LUZP2: variants seen among roughly 807,000 people sequenced by gnomAD.
The protein encoded by LUZP2 is leucine zipper protein 2.
Under a neutral mutation model 51.6 loss-of-function variants are expected in LUZP2, and 52 were observed. The observed-to-expected ratio is 1.01, with a 90% CI of 0.81 to 1.27. LUZP2 has a LOEUF of 1.27. Ranked by LOEUF, LUZP2 falls within the 50% of genes most tolerant of loss-of-function variation. The pLI is 0.00. For synonymous variants in LUZP2, 154 were observed against 137.3 expected (o/e 1.12, Z -0.85); for missense variants, 436 against 395.4 (o/e 1.10, Z -0.87).
rs376325878 is a variant in LUZP2, at chr11:24,931,186, G to T, written c.522+16648G>T. On this transcript the variant is annotated intron_variant, in intron 7 of 11. Transcript: ENST00000336930. ...AGATCACGCCACTGCACTCCAGTCT[G>T]ATGACAGAGTGAGACTCTGTCTCAA... Among the ~76,000 whole-genome samples the T allele has an allele frequency of 4.6e-3, 690 of 150,908 alleles. 4 individuals carry two copies. The highest frequency in any genetic ancestry group is 0.016 in the African/African-American group (663 of 40,950).
chr11:24,708,051 G>A (rs1427525969), intron 1 of LUZP2, among the ~76,000 whole-genome samples: 2 of 152,122 alleles, frequency 1.3e-5, no homozygotes, highest in Non-Finnish European at 2.9e-5. Context: ...TCAGGGCAGA[G>A]CAGGTAGCAG....
intron 4 of LUZP2, among the ~76,000 whole-genome samples, chr11:24,740,657 A>G (rs1245752564): frequency 6.6e-6 from 1 of 152,154 alleles, no homozygotes; most frequent in African/African-American, 2.4e-5. Flanking sequence ...GGGGTTATTC[A>G]CATTAAATTA....
chr11:24,717,361 G>A (rs1000949488), intron 1 of LUZP2, among the ~76,000 whole-genome samples: 1 of 151,588 alleles, frequency 6.6e-6, no homozygotes, highest in Admixed American at 6.6e-5. Context: ...CATGCCATGG[G>A]GGTTTGTTGT....
chr11:24,851,895 C>G (rs1285716919), intron 5 of LUZP2, among the ~76,000 whole-genome samples: 1 of 151,950 alleles, frequency 6.6e-6, no homozygotes, highest in Non-Finnish European at 1.5e-5. Context: ...GATTTTCTAG[C>G]TTATTTGCAT....
chr11:24,812,501 T>C lies in LUZP2; in HGVS notation c.396+49193T>C, dbSNP rs146262392. 2.7e-3 allele frequency among the ~76,000 whole-genome samples: 413 copies of C among 152,336 alleles called. 2 individuals carry two copies. Among genetic ancestry groups the C allele is most frequent in the African/African-American group, 9.5e-3 (396 of 41,574 alleles). ...AAGAACTGATTCTAGACTGAGCTTT[T>C]ATTTCCAGATTCCAGAAGAGCCACT... On this transcript the variant is annotated intron_variant, in intron 5 of 11. Transcript: ENST00000336930.
intron 1 of LUZP2, among the ~76,000 whole-genome samples, chr11:24,671,360 C>A (rs1040361326): frequency 3.9e-5 from 6 of 152,018 alleles, no homozygotes; most frequent in East Asian, 1.9e-4. Context: ...ATTGTCATAG[C>A]TGCCATTTTA....
At chr11:25,010,584 C>T (rs908138506) in intron 9 of LUZP2, among the ~76,000 whole-genome samples, 1 of 148,510 alleles carries the variant, frequency 6.7e-6, no homozygotes, top group African/African-American at 2.5e-5. Flanking sequence ...TGGTGGCTCA[C>T]ACGTGTAATC....
intron 9 of LUZP2, among the ~76,000 whole-genome samples, chr11:25,043,342 C>CTT (rs551710660): frequency 3.5e-3 from 540 of 152,126 alleles, no homozygotes; most frequent in African/African-American, 0.013. Flanking sequence ...AGTGGTCAAT[C>CTT]TTTTTTTAAT....
At chr11:24,574,001 G>A (rs1424316158) in intron 1 of LUZP2, among the ~76,000 whole-genome samples, 2 of 151,546 alleles carry the variant, frequency 1.3e-5, no homozygotes, top group Non-Finnish European at 2.9e-5. Context: ...TTAGCATTAG[G>A]TATATCTCCT....
rs569550298 is a variant in LUZP2 at position 24,982,163 on chromosome 11, G to A, written c.598-963G>A. ...GGGAAGACTTATGTAGTTAGTGGGAGTGTAAATTAGTTCAGCCATTGTGGA... is the reference window on the plus strand; with the variant it reads ...GGGAAGACTTATGTAGTTAGTGGGAATGTAAATTAGTTCAGCCATTGTGGA... On this transcript the variant is annotated intron_variant, in intron 8 of 11. Transcript: ENST00000336930. Among the ~76,000 whole-genome samples, 4 of 152,042 alleles carry A rather than the reference G, an allele frequency of 2.6e-5. No homozygotes were observed. The East Asian group carries it at 7.8e-4, about 30-fold the overall frequency.
chr11:25,060,459 G>A (rs1565295535), intron 10 of LUZP2, among the ~76,000 whole-genome samples: 3 of 152,274 alleles, frequency 2.0e-5, no homozygotes, highest in South Asian at 2.1e-4. Flanking sequence ...TACCTTGTGA[G>A]TTAGGATTTC....
chr11:24,655,016 G>A (rs540170014), intron 1 of LUZP2, among the ~76,000 whole-genome samples: 4 of 152,160 alleles, frequency 2.6e-5, no homozygotes, highest in South Asian at 2.1e-4. Flanking sequence ...AATCTAGGCC[G>A]TACATAATCT....
intron 9 of LUZP2, among the ~76,000 whole-genome samples, chr11:24,983,862 G>A (rs969096065): frequency 6.8e-6 from 1 of 147,174 alleles, no homozygotes; most frequent in South Asian, 2.1e-4. Flanking sequence ...ATTTTTCAAA[G>A]TCCCAGGGGA....
rs775183034 is a variant in LUZP2, at chr11:24,639,567, G to A, written c.63-89602G>A. Among the ~76,000 whole-genome samples the A allele has an allele frequency of 3.3e-5, 5 of 151,440 alleles. No homozygotes were observed. The South Asian group carries it at 6.2e-4, about 19-fold the overall frequency. ...CCTGGGTTCAAGCAATTCTCCTGCC[G>A]CAGCCTCCTGAGTAGATGGAATTAC... On this transcript the variant is annotated intron_variant, in intron 1 of 11. Transcript: ENST00000336930.
chr11:24,729,889 G>A (rs1858650842), intron 2 of LUZP2, among the ~76,000 whole-genome samples: 2 of 151,778 alleles, frequency 1.3e-5, no homozygotes, highest in South Asian at 4.1e-4. Flanking sequence ...ATGTATCTAT[G>A]AGGTAGATCC....
intron 1 of LUZP2, among the ~76,000 whole-genome samples, chr11:24,662,062 C>T (rs1211188393): frequency 6.6e-6 from 1 of 151,740 alleles, no homozygotes; most frequent in African/African-American, 2.4e-5. Flanking sequence ...CAGGGAATTT[C>T]AAATCCTAAA....
chr11:24,711,273 C>T (rs1050642778), intron 1 of LUZP2, among the ~76,000 whole-genome samples: 64 of 78,162 alleles, frequency 8.2e-4, no homozygotes, highest in Non-Finnish European at 1.3e-3. Context: ...CACGGTGAAA[C>T]CCCCGTCTCT....
Position 24,641,738 on chromosome 11 carries a change from A to G in LUZP2, c.63-87431A>G, listed in dbSNP as rs554218798. Among the ~76,000 whole-genome samples, 5 of 152,070 alleles carry G rather than the reference A, an allele frequency of 3.3e-5. No homozygotes were observed. The South Asian group carries it at 1.0e-3, about 31-fold the overall frequency. ...TAAGTAGTATCATTCACAATGATTT[A>G]TCTTTGAAAACCTGGGTTTTCTTGA... On this transcript the variant is annotated intron_variant, in intron 1 of 11. Transcript: ENST00000336930.
intron 9 of LUZP2, among the ~76,000 whole-genome samples, chr11:24,985,327 C>A (rs897649652): frequency 6.6e-6 from 1 of 151,622 alleles, no homozygotes; most frequent in Non-Finnish European, 1.5e-5. Flanking sequence ...TTCTAGATAC[C>A]TGGATACAAA....
Sources: gnomAD v4.1 joint callset for allele counts (sites outside exome capture counted in the v4.1 genomes callset) on GRCh38, gnomAD v4.1.1 for gene constraint, MANE v1.5 for transcripts, NCBI Gene and HGNC (gene_info 2026-07-23, HGNC 2026-07-21) for gene names.